Variants in DOCK3 observed in about 807,000 individuals in gnomAD.
DOCK3 encodes the protein dedicator of cytokinesis 3.
A neutral mutation model predicts 265.6 loss-of-function variants in DOCK3; 60 were observed. The ratio of observed to expected loss-of-function variants is 0.23; its 90% CI spans 0.18 to 0.28. The LOEUF is 0.28. Among genes scored for constraint, DOCK3 ranks in the 10% least tolerant of loss-of-function variants. DOCK3 has a pLI of 1.00. For missense variants in DOCK3, 1,981 were observed against 2,594.3 expected, an observed-to-expected ratio of 0.76 and a Z score of 5.14; for synonymous variants, 881 against 938.0, an observed-to-expected ratio of 0.94 and a Z score of 1.11.
chr3:51,015,025 A>T (rs1246059626), intron 5 of DOCK3, among the ~76,000 whole-genome samples: 1 of 152,130 alleles, frequency 6.6e-6, no homozygotes, highest in African/African-American at 2.4e-5. Flanking sequence ...CAGTTTTAAT[A>T]GTTGTTTTGT....
chr3:51,148,894 C>T (rs987297403), intron 10 of DOCK3, among the ~76,000 whole-genome samples: 17 of 152,114 alleles, frequency 1.1e-4, no homozygotes, highest in Non-Finnish European at 1.9e-4. Context: ...TCATTGGTAG[C>T]TTGATGGGGA....
At chr3:50,761,145 A>G (rs900509821) in intron 1 of DOCK3, among the ~76,000 whole-genome samples, 3 of 151,806 alleles carry the variant, frequency 2.0e-5, no homozygotes, top group Admixed American at 6.6e-5. Context: ...TTTTTATATC[A>G]TTTTTTAAAA....
rs1003958257 is a variant in DOCK3, at chr3:51,338,815, C to CTT, written c.3673-119_3673-118insTT. 4 of 794,246 alleles carry CTT rather than the reference C, an allele frequency of 5.0e-6. No individual in the cohort carries two copies. In the African/African-American group the frequency reaches 5.2e-5, roughly 10 times the overall value. 49.2% of individuals were successfully genotyped at this position (794,246 alleles called of 1,614,324 possible). On this transcript the variant is annotated intron_variant, in intron 36 of 52. Transcript: ENST00000266037. ...TGGTGCTTTCTCCTTCTGGTGCTGT[C>CTT]TGCCTCCAGGGCCTGCCCTCCCCCT... is the stretch of plus-strand genomic sequence containing the variant.
chr3:51,208,311 T>A (rs925950721), intron 12 of DOCK3, among the ~76,000 whole-genome samples: 1 of 152,218 alleles, frequency 6.6e-6, no homozygotes, highest in African/African-American at 2.4e-5. Flanking sequence ...TCAACATTGC[T>A]TTTAGCTTAG....
At chr3:51,312,697 G>A in intron 30 of DOCK3, 121 bp downstream of exon 30, 1 of 1,240,884 alleles carries the variant, frequency 8.1e-7, no homozygotes, top group Non-Finnish European at 1.1e-6. Context: ...GGGCCCAAGT[G>A]TGGGAGTTCA....
At chr3:50,970,906 T>C (rs1233547042) in intron 5 of DOCK3, among the ~76,000 whole-genome samples, 703 of 53,690 alleles carry the variant, frequency 0.013, 73 homozygotes, top group African/African-American at 0.052. Flanking sequence ...TATATATATA[T>C]ATATATATAT....
chr3:50,758,265 C>G (rs1368039895), intron 1 of DOCK3, among the ~76,000 whole-genome samples: 1 of 132,238 alleles, frequency 7.6e-6, no homozygotes. Context: ...AGTCTTAGTT[C>G]TTTTCCTTTG....
intron 5 of DOCK3, among the ~76,000 whole-genome samples, chr3:50,974,146 A>G (rs1272251289): frequency 6.6e-6 from 1 of 151,840 alleles, no homozygotes; most frequent in African/African-American, 2.4e-5. Context: ...TAGTTTAATT[A>G]GATCCCATTT....
intron 4 of DOCK3, among the ~76,000 whole-genome samples, chr3:50,924,972 G>T (rs536858125): frequency 1.2e-3 from 179 of 152,336 alleles, no homozygotes; most frequent in Non-Finnish European, 2.1e-3. Flanking sequence ...CATCAGCCCA[G>T]AAGGAGGGAC....
intron 1 of DOCK3, among the ~76,000 whole-genome samples, chr3:50,677,589 A>T (rs1576048472): frequency 6.6e-6 from 1 of 152,222 alleles, no homozygotes; most frequent in East Asian, 1.9e-4. Context: ...CTATAATCAC[A>T]TAGCAAGGAG....
chr3:50,737,435 T>G (rs1055760190), intron 1 of DOCK3, among the ~76,000 whole-genome samples: 4 of 152,148 alleles, frequency 2.6e-5, no homozygotes, highest in African/African-American at 4.8e-5. Flanking sequence ...TCTTGAAGGA[T>G]CCACCCTCAT....
At chr3:50,985,977 TA>T (rs961690701) in intron 5 of DOCK3, among the ~76,000 whole-genome samples, 63 of 152,246 alleles carry the variant, frequency 4.1e-4, no homozygotes, top group Non-Finnish European at 7.2e-4. Context: ...ATTTTTCTGC[TA>T]GGCATTCTAC....
chr3:50,959,801 C>T (rs544928725), intron 5 of DOCK3, among the ~76,000 whole-genome samples: 5 of 151,918 alleles, frequency 3.3e-5, no homozygotes, highest in African/African-American at 9.7e-5. Context: ...AGGATGGTCT[C>T]GATCTCCTGA....
intron 2 of DOCK3, among the ~76,000 whole-genome samples, chr3:50,794,430 A>T (rs1053835526): frequency 1.3e-5 from 2 of 152,150 alleles, no homozygotes; most frequent in Non-Finnish European, 2.9e-5. Context: ...TTAGGTGCAT[A>T]TATATTTAGG....
At chr3:51,053,114 T>TAGATAGATAGATAGATAGATAGATAG (rs1274449897) in intron 5 of DOCK3, among the ~76,000 whole-genome samples, 1 of 125,564 alleles carries the variant, frequency 8.0e-6, no homozygotes, top group African/African-American at 3.0e-5. Context: ...TATATATATA[T>TAGATAGATAGATAGATAGATAGATAG]ATATATATGG....
intron 5 of DOCK3, among the ~76,000 whole-genome samples, chr3:51,014,787 A>G (rs974141839): frequency 2.6e-5 from 4 of 152,072 alleles, no homozygotes; most frequent in African/African-American, 9.7e-5. Flanking sequence ...TCCATGGACT[A>G]TCTTTCCATT....
At chr3:51,321,590 A>G (rs2083731298) in intron 32 of DOCK3, among the ~76,000 whole-genome samples, 1 of 152,210 alleles carries the variant, frequency 6.6e-6, no homozygotes, top group Admixed American at 6.5e-5. Flanking sequence ...GAAAAAGGTT[A>G]GACGAATTGC....
intron 9 of DOCK3, among the ~76,000 whole-genome samples, chr3:51,110,477 C>A (rs1260926122): frequency 6.6e-6 from 1 of 152,152 alleles, no homozygotes; most frequent in Non-Finnish European, 1.5e-5. Flanking sequence ...CACCAAAAAG[C>A]TTATCCACTG....
chr3:51,001,239 A>T (rs1287230324), intron 5 of DOCK3, among the ~76,000 whole-genome samples: 2 of 152,216 alleles, frequency 1.3e-5, no homozygotes, highest in African/African-American at 4.8e-5. Context: ...GGTGGCCCTC[A>T]TCCAATTAGT....
Sources: gnomAD v4.1 joint callset for allele counts (sites outside exome capture counted in the v4.1 genomes callset) on GRCh38, gnomAD v4.1.1 for gene constraint, MANE v1.5 for transcripts, NCBI Gene and HGNC (gene_info 2026-07-23, HGNC 2026-07-21) for gene names.